Variants in OR56A3 observed in about 807,000 individuals in gnomAD.
OR56A3 encodes the protein olfactory receptor 56A3.
OR56A3 carries 23 observed loss-of-function variants against 17.5 expected under a neutral mutation model. The ratio of observed to expected loss-of-function variants is 1.32; its 90% CI spans 0.95 to 1.87. The LOEUF (loss-of-function observed/expected upper bound fraction) is 1.87. Among genes scored for constraint, OR56A3 ranks in the 40% most tolerant of loss-of-function variants. The pLI is 0.00. For missense variants in OR56A3, 366 were observed against 380.1 expected (o/e 0.96, Z 0.31); for synonymous variants, 175 against 150.6 (o/e 1.16, Z -1.19).
chr11:5,947,692 T>C lies in OR56A3; in HGVS notation c.346T>C (p.Ser116Pro), dbSNP rs778988064. ...YIMNCFLAME[S>P]CTFMVMAYDR... ...CATGAATTGTTTCCTAGCCATGGAGTCTTGCACATTCATGGTCATGGCCTA... is the reference window on the plus strand; with the variant it reads ...CATGAATTGTTTCCTAGCCATGGAGCCTTGCACATTCATGGTCATGGCCTA... Residue 116 changes from serine (S) to proline (P), a missense_variant, in exon 3 of 3, where the codon TCT (serine) becomes CCT (proline). Transcript: ENST00000641160. 3.1e-6 allele frequency: 5 copies of C among 1,614,010 alleles called. No individual in the cohort carries two copies. The African/African-American group carries it at 6.7e-5, about 22-fold the overall frequency.
chr11:5,968,414 C>A, the OR56A3 span: 1 of 1,608,418 alleles, frequency 6.2e-7, no homozygotes, highest in Non-Finnish European at 8.5e-7. Flanking sequence ...ACAGCCAGTG[C>A]TGCCAGCTCT....
the OR56A3 span, chr11:6,021,573 T>A: frequency 6.6e-6 from 1 of 152,134 alleles, no homozygotes; most frequent in Non-Finnish European, 1.5e-5. Context: ...ACTAATATTT[T>A]ATAAGTAGAA....
chr11:5,980,546 T>C, the OR56A3 span, among the ~76,000 whole-genome samples: 2 of 152,176 alleles, frequency 1.3e-5, no homozygotes, highest in Admixed American at 1.3e-4. Context: ...TTTTTCTCCA[T>C]TCCTTTGCTT....
chr11:6,001,805 G>GATT, the OR56A3 span: 2 of 426,378 alleles, frequency 4.7e-6, no homozygotes. Flanking sequence ...CTTTGTTGCA[G>GATT]ATTAGATCAG....
At chr11:5,945,676 GAAT>G (rs1847865833) in intron 2 of OR56A3, among the ~76,000 whole-genome samples, 1 of 150,744 alleles carries the variant, frequency 6.6e-6, no homozygotes, top group African/African-American at 2.4e-5. Context: ...ATTAGGATTA[GAAT>G]AATAACATAT....
chr11:5,971,387 A>G, the OR56A3 span, among the ~76,000 whole-genome samples: 5 of 152,234 alleles, frequency 3.3e-5, no homozygotes, highest in African/African-American at 1.2e-4. Context: ...TCTTTCCTTA[A>G]CTTGTGCTTT....
chr11:5,987,301 G>C, the OR56A3 span, among the ~76,000 whole-genome samples: 1 of 152,110 alleles, frequency 6.6e-6, no homozygotes, highest in East Asian at 1.9e-4. Context: ...TCCATGACAT[G>C]GCACTCCAGA....
Position 5,948,411 on chromosome 11 carries a change from T to C in OR56A3, c.*117T>C. ...AACCTCAAACTGGGTACACTAGATATTGTGTGTGCTTTTCAAAAACATCGG... is the reference window on the plus strand; with the variant it reads ...AACCTCAAACTGGGTACACTAGATACTGTGTGTGCTTTTCAAAAACATCGG... On this transcript the variant is annotated 3_prime_UTR_variant, in exon 3 of 3. Transcript: ENST00000641160. 1.5e-6 allele frequency: 1 copy of C among 650,684 alleles called. No individual in the cohort carries two copies. The highest frequency in any genetic ancestry group is 2.6e-6 in the Non-Finnish European group (1 of 379,940). 40.3% of individuals were successfully genotyped at this position (650,684 alleles called of 1,614,324 possible).
At chr11:6,003,683 T>C in the OR56A3 span, among the ~76,000 whole-genome samples, 2 of 152,172 alleles carry the variant, frequency 1.3e-5, no homozygotes, top group Admixed American at 6.5e-5. Flanking sequence ...ACACAGACAG[T>C]GGCCCCCACC....
At chr11:6,016,022 G>A in the OR56A3 span, among the ~76,000 whole-genome samples, 1 of 152,160 alleles carries the variant, frequency 6.6e-6, no homozygotes, top group South Asian at 2.1e-4. Flanking sequence ...ATCTCATGTC[G>A]AATTGTAATC....
chr11:6,002,495 A>G, the OR56A3 span: 3 of 1,614,266 alleles, frequency 1.9e-6, no homozygotes, highest in African/African-American at 1.3e-5. Flanking sequence ...TGAGCCTGGC[A>G]GAAAGCATGG....
At chr11:5,986,016 G>C in the OR56A3 span, 1 of 1,613,266 alleles carries the variant, frequency 6.2e-7, no homozygotes, top group Non-Finnish European at 8.5e-7. Flanking sequence ...CAAGAGGATT[G>C]AGCGCAGGTG....
chr11:5,990,730 G>C, the OR56A3 span, among the ~76,000 whole-genome samples: 2 of 152,298 alleles, frequency 1.3e-5, no homozygotes, highest in Admixed American at 1.3e-4. Flanking sequence ...CAAACATTAA[G>C]AGGCAGAGCT....
the OR56A3 span, among the ~76,000 whole-genome samples, chr11:5,956,895 G>A: frequency 6.6e-6 from 1 of 152,156 alleles, no homozygotes; most frequent in Non-Finnish European, 1.5e-5. Flanking sequence ...GGTGTCTCAC[G>A]CCTGTAATCC....
the OR56A3 span, among the ~76,000 whole-genome samples, chr11:5,998,334 A>G: frequency 6.6e-6 from 1 of 152,322 alleles, no homozygotes; most frequent in East Asian, 1.9e-4. Context: ...TTCCTAGAGA[A>G]AAGAAAAGAT....
At chr11:5,993,292 AT>A in the OR56A3 span, among the ~76,000 whole-genome samples, 1 of 152,222 alleles carries the variant, frequency 6.6e-6, no homozygotes, top group Non-Finnish European at 1.5e-5. Flanking sequence ...GGATTGAGAC[AT>A]GATCAAAATC....
chr11:5,995,402 A>G, the OR56A3 span, among the ~76,000 whole-genome samples: 1 of 152,190 alleles, frequency 6.6e-6, no homozygotes, highest in Non-Finnish European at 1.5e-5. Context: ...GAGTTATGGG[A>G]AACTAAACAC....
the OR56A3 span, chr11:5,968,327 G>A: frequency 6.8e-6 from 11 of 1,613,370 alleles, no homozygotes; most frequent in East Asian, 2.2e-4. Context: ...GGTGCAGAGA[G>A]GCTTCCAGAT....
the OR56A3 span, among the ~76,000 whole-genome samples, chr11:5,978,916 T>A: frequency 6.6e-6 from 1 of 152,178 alleles, no homozygotes. Context: ...TTGCAGGTTT[T>A]TAACACGAAG....
Sources: gnomAD v4.1 joint callset for allele counts (sites outside exome capture counted in the v4.1 genomes callset) on GRCh38, gnomAD v4.1.1 for gene constraint, MANE v1.5 for transcripts, NCBI Gene and HGNC (gene_info 2026-07-23, HGNC 2026-07-21) for gene names.